Variants in MAP4K3 observed in about 807,000 individuals in gnomAD.
MAP4K3 encodes the protein MAPK/ERK kinase kinase kinase 3.
Under a neutral mutation model 143.5 loss-of-function variants are expected in MAP4K3, and 94 were observed. The observed-to-expected ratio is 0.65, with a 90% CI of 0.55 to 0.78. The LOEUF (loss-of-function observed/expected upper bound fraction) is 0.78. MAP4K3 is among the 30% of genes least tolerant of loss of function. The probability of loss-of-function intolerance (pLI) is 0.00; values close to 1 mark genes in which losing one functional copy is unlikely to be tolerated. For synonymous variants in MAP4K3, 416 were observed against 347.2 expected, an observed-to-expected ratio of 1.20 and a Z score of -2.20; for missense variants, 1,077 against 1,068.1, an observed-to-expected ratio of 1.01 and a Z score of -0.12.
At chr2:39,317,258 A>G (rs775357621) in intron 12 of MAP4K3, among the ~76,000 whole-genome samples, 20 of 152,300 alleles carry the variant, frequency 1.3e-4, no homozygotes, top group Non-Finnish European at 1.8e-4. Context: ...TACAAAAATC[A>G]ACTCAAGATG....
At chr2:39,402,719 GA>G in intron 1 of MAP4K3, among the ~76,000 whole-genome samples, 1 of 149,298 alleles carries the variant, frequency 6.7e-6, no homozygotes, top group East Asian at 2.0e-4. Flanking sequence ...GGGTCTTTGA[GA>G]AAAATCAATA....
chr2:39,429,653 T>A (rs1665223197), intron 1 of MAP4K3, among the ~76,000 whole-genome samples: 1 of 152,204 alleles, frequency 6.6e-6, no homozygotes, highest in Admixed American at 6.5e-5. Context: ...GAATTATGTA[T>A]CTCAAAATTT....
chr2:39,418,588 G>A (rs1667457077), intron 1 of MAP4K3, among the ~76,000 whole-genome samples: 1 of 152,092 alleles, frequency 6.6e-6, no homozygotes, highest in Non-Finnish European at 1.5e-5. Context: ...TAACTAAAAA[G>A]CCAGGTGATC....
intron 12 of MAP4K3, chr2:39,323,467 C>T (rs569368471): frequency 1.9e-3 from 283 of 152,300 alleles, no homozygotes; most frequent in African/African-American, 6.5e-3. Context: ...TGTTTTACAG[C>T]TTTGTTATGC....
At chr2:39,429,435 T>C (rs781416223) in intron 1 of MAP4K3, among the ~76,000 whole-genome samples, 2 of 152,206 alleles carry the variant, frequency 1.3e-5, no homozygotes, top group Non-Finnish European at 2.9e-5. Flanking sequence ...AGGCTGTGTA[T>C]ATAAAATATC....
chr2:39,421,815 G>A (rs561153534), intron 1 of MAP4K3, among the ~76,000 whole-genome samples: 4 of 151,894 alleles, frequency 2.6e-5, no homozygotes, highest in South Asian at 4.2e-4. Flanking sequence ...TTCATTCTTC[G>A]ATTTTCACCT....
intron 1 of MAP4K3, among the ~76,000 whole-genome samples, chr2:39,422,154 C>T (rs1044678244): frequency 1.4e-4 from 21 of 151,816 alleles, no homozygotes; most frequent in African/African-American, 5.1e-4. Flanking sequence ...GATAGAAATG[C>T]TATGGTACTA....
intron 2 of MAP4K3, among the ~76,000 whole-genome samples, chr2:39,359,801 C>G (rs1665715289): frequency 6.6e-6 from 1 of 152,230 alleles, no homozygotes; most frequent in African/African-American, 2.4e-5. Flanking sequence ...TACGTTGGCC[C>G]CTTTTAGCCA....
chr2:39,259,422 T>C (rs1680475568), intron 29 of MAP4K3, among the ~76,000 whole-genome samples: 1 of 152,134 alleles, frequency 6.6e-6, no homozygotes, highest in Admixed American at 6.5e-5. Flanking sequence ...ATGATCACTC[T>C]TACCAATACC....
In MAP4K3 at chr2:39,325,507, G is replaced by A. The variant is rs771307781; in HGVS notation, c.918+11C>T. On this transcript the variant is annotated intron_variant, in intron 12 of 33. Transcript: ENST00000263881. ...ATGTTATATATGCCCGCTGGTAAAAGCAATTCCTACCTCAGGATCATCATC... is the reference window on the plus strand; with the variant it reads ...ATGTTATATATGCCCGCTGGTAAAAACAATTCCTACCTCAGGATCATCATC... 1.3e-6 allele frequency: 2 copies of A among 1,589,198 alleles called. No homozygotes were observed. Among genetic ancestry groups the A allele is most frequent in the South Asian group, 2.2e-5 (2 of 90,234 alleles).
chr2:39,262,138 GGATTT>G (rs1263864349), intron 28 of MAP4K3, among the ~76,000 whole-genome samples: 1 of 152,124 alleles, frequency 6.6e-6, no homozygotes, highest in Non-Finnish European at 1.5e-5. Flanking sequence ...TGAAGCTACT[GGATTT>G]GATTTGTTTT....
chr2:39,436,676 C>CG (rs894610885), intron 1 of MAP4K3: 14 of 560,890 alleles, frequency 2.5e-5, no homozygotes, highest in East Asian at 3.2e-5. Context: ...TCATGTCCAC[C>CG]GGGGGGGCTC....
chr2:39,373,465 T>C (rs1285366164), intron 2 of MAP4K3, among the ~76,000 whole-genome samples: 1 of 152,102 alleles, frequency 6.6e-6, no homozygotes, highest in Admixed American at 6.5e-5. Context: ...GAAATGAGTA[T>C]ATCAAAGAGA....
rs761076896 is a variant in MAP4K3, at chr2:39,337,042, G to A, written c.367-75C>T. The stretch of plus-strand genomic sequence containing the variant: ...TCTTTTGGATTTTATGTAATCAAAT[G>A]GGTAGTATTCTGTGTATTTTATTTA... On this transcript the variant is annotated intron_variant, in intron 5 of 33. Coordinates refer to ENST00000263881, the MANE Select transcript of MAP4K3 (RefSeq NM_003618.4). 13 of 698,510 alleles carry A rather than the reference G, an allele frequency of 1.9e-5. No individual in the cohort carries two copies. The Middle Eastern group carries it at 1.2e-3, about 67-fold the overall frequency. The allele number at this position is 698,510 out of a possible 1,614,324, so 43.3% of individuals were successfully genotyped here.
chr2:39,309,856 C>A (rs1682883829), intron 13 of MAP4K3, among the ~76,000 whole-genome samples: 1 of 151,906 alleles, frequency 6.6e-6, no homozygotes, highest in African/African-American at 2.4e-5. Context: ...CTGCGCCCGG[C>A]CAAAACCAGG....
At chr2:39,436,493 T>G (rs1210243829) in intron 1 of MAP4K3, 1 of 178,558 alleles carries the variant, frequency 5.6e-6, no homozygotes, top group African/African-American at 2.4e-5. Context: ...CGACCCCAGG[T>G]TGGCGTGAAG....
intron 27 of MAP4K3, among the ~76,000 whole-genome samples, 163 bp from the exon 28 acceptor site, chr2:39,265,469 A>G (rs919745150): frequency 6.6e-6 from 1 of 152,254 alleles, no homozygotes; most frequent in South Asian, 2.1e-4. Context: ...GGTGAAAAAA[A>G]TACTGTTTCA....
At chr2:39,419,712 A>G (rs1447096760) in intron 1 of MAP4K3, among the ~76,000 whole-genome samples, 2 of 152,214 alleles carry the variant, frequency 1.3e-5, no homozygotes, top group Non-Finnish European at 2.9e-5. Context: ...AACCAGAAAT[A>G]AGAGACCCCA....
chr2:39,333,266 A>T (rs1287386579), intron 7 of MAP4K3, among the ~76,000 whole-genome samples: 1 of 152,150 alleles, frequency 6.6e-6, no homozygotes, highest in Non-Finnish European at 1.5e-5. Context: ...CAGAAGTCAC[A>T]TTCCTGGGTT....
Sources: gnomAD v4.1 joint callset for allele counts (sites outside exome capture counted in the v4.1 genomes callset) on GRCh38, gnomAD v4.1.1 for gene constraint, MANE v1.5 for transcripts, NCBI Gene and HGNC (gene_info 2026-07-23, HGNC 2026-07-21) for gene names.